IMMP2L: variants seen among roughly 807,000 people sequenced by gnomAD.
The protein encoded by IMMP2L is mitochondrial inner membrane protease subunit 2.
A neutral mutation model predicts 19.3 loss-of-function variants in IMMP2L; 18 were observed. The observed-to-expected ratio is 0.93, with a 90% CI of 0.64 to 1.38. IMMP2L has a LOEUF of 1.38. IMMP2L is among the 40% of genes most tolerant of loss of function. The pLI is 0.00. For synonymous variants in IMMP2L, 76 were observed against 73.0 expected (o/e 1.04, Z -0.21); for missense variants, 233 against 218.2 (o/e 1.07, Z -0.43).
At chr7:111,060,261 C>A (rs971780427) in intron 3 of IMMP2L, among the ~76,000 whole-genome samples, 1 of 152,188 alleles carries the variant, frequency 6.6e-6, no homozygotes, top group African/African-American at 2.4e-5. Context: ...TTTGCAGGTA[C>A]TACCACCACT....
chr7:111,133,433 G>C (rs993497622), intron 3 of IMMP2L, among the ~76,000 whole-genome samples: 1 of 151,900 alleles, frequency 6.6e-6, no homozygotes. Context: ...GGTAGATTAG[G>C]GATGGCATGA....
At chr7:111,237,719 C>T (rs1814502150) in intron 3 of IMMP2L, among the ~76,000 whole-genome samples, 16 of 151,720 alleles carry the variant, frequency 1.1e-4, no homozygotes, top group Admixed American at 1.1e-3. Context: ...ACAATTTCTA[C>T]CATCATTCGG....
intron 3 of IMMP2L, among the ~76,000 whole-genome samples, chr7:110,986,870 A>T (rs958602762): frequency 4.6e-5 from 7 of 151,994 alleles, no homozygotes; most frequent in Admixed American, 1.3e-4. Context: ...CAAACACCCC[A>T]AACATTGGCT....
intron 3 of IMMP2L, among the ~76,000 whole-genome samples, chr7:111,320,195 C>G (rs914457879): frequency 6.6e-5 from 10 of 152,056 alleles, no homozygotes; most frequent in Non-Finnish European, 1.5e-4. Context: ...CCTACCAAGA[C>G]AGAAGCTAAT....
At chr7:110,966,133 A>G (rs2129555923) in intron 3 of IMMP2L, among the ~76,000 whole-genome samples, 1 of 152,250 alleles carries the variant, frequency 6.6e-6, no homozygotes, top group Admixed American at 6.6e-5. Flanking sequence ...ATATGGAAAT[A>G]TCAACAGAAT....
intron 3 of IMMP2L, among the ~76,000 whole-genome samples, chr7:111,140,037 C>T (rs1026517534): frequency 8.6e-5 from 13 of 151,624 alleles, no homozygotes; most frequent in Admixed American, 2.0e-4. Flanking sequence ...ATGAACAGGA[C>T]TGAAAATAAA....
intron 3 of IMMP2L, among the ~76,000 whole-genome samples, chr7:111,224,011 C>T (rs1344528034): frequency 6.6e-6 from 1 of 152,118 alleles, no homozygotes; most frequent in Non-Finnish European, 1.5e-5. Flanking sequence ...GAACACTATA[C>T]ACAAGAGGAA....
chr7:111,190,747 T>C (rs1808772677), intron 3 of IMMP2L, among the ~76,000 whole-genome samples: 1 of 152,150 alleles, frequency 6.6e-6, no homozygotes, highest in Non-Finnish European at 1.5e-5. Flanking sequence ...TGCTTATCTA[T>C]ATAAAACAGG....
chr7:111,065,312 C>T (rs1000492449), intron 3 of IMMP2L, among the ~76,000 whole-genome samples: 14 of 152,072 alleles, frequency 9.2e-5, no homozygotes, highest in African/African-American at 2.9e-4. Flanking sequence ...GGTGCATTTC[C>T]GGTTGTAGAA....
intron 3 of IMMP2L, among the ~76,000 whole-genome samples, chr7:111,052,855 T>C (rs1793124846): frequency 6.6e-6 from 1 of 152,226 alleles, no homozygotes; most frequent in Non-Finnish European, 1.5e-5. Context: ...GGTGCTTCTT[T>C]GCCTCTACTG....
At chr7:111,477,376 T>G (rs1426411589) in intron 3 of IMMP2L, among the ~76,000 whole-genome samples, 1 of 152,158 alleles carries the variant, frequency 6.6e-6, no homozygotes, top group Non-Finnish European at 1.5e-5. Context: ...GTTTTGTACA[T>G]GAAGTCCAAT....
At chr7:111,543,477 GC>G (rs1288328028) in intron 1 of IMMP2L, among the ~76,000 whole-genome samples, 1 of 152,080 alleles carries the variant, frequency 6.6e-6, no homozygotes, top group African/African-American at 2.4e-5. Flanking sequence ...TTCTCTGTAA[GC>G]CAGCAAGACC....
chr7:111,208,784 CT>C (rs1218914026), intron 3 of IMMP2L, among the ~76,000 whole-genome samples: 2 of 151,948 alleles, frequency 1.3e-5, no homozygotes, highest in Admixed American at 6.6e-5. Flanking sequence ...CTATGATTTA[CT>C]TTTTTTTCTT....
intron 5 of IMMP2L, among the ~76,000 whole-genome samples, chr7:110,746,003 A>T (rs9690113): frequency 0.15 from 22,752 of 152,054 alleles, 1,930 homozygotes; most frequent in South Asian, 0.31. Flanking sequence ...TATTCAGGAG[A>T]CCCATCTCAC....
intron 5 of IMMP2L, among the ~76,000 whole-genome samples, chr7:110,873,778 GA>G (rs572557458): frequency 0.07 from 8,249 of 118,648 alleles, 274 homozygotes; most frequent in African/African-American, 0.11. Flanking sequence ...TCTGTCTCAG[GA>G]AAAAAAAAAA....
chr7:111,229,895 GAAGA>G (rs1813535723), intron 3 of IMMP2L, among the ~76,000 whole-genome samples: 1 of 151,964 alleles, frequency 6.6e-6, no homozygotes, highest in Non-Finnish European at 1.5e-5. Flanking sequence ...GTAAAGAACG[GAAGA>G]TTATGTAAGC....
chr7:111,414,113 G>C (rs916216603), intron 3 of IMMP2L, among the ~76,000 whole-genome samples: 1 of 151,572 alleles, frequency 6.6e-6, no homozygotes, highest in Admixed American at 6.6e-5. Context: ...CCCTCCTCAG[G>C]GGCTGGCTCA....
At position 111,123,234 on chromosome 7, in the gene IMMP2L, A is replaced by G. The variant is rs749799526; in HGVS notation, c.240-159669T>C. The G allele has an allele frequency of 6.2e-7, 1 of 1,613,904 alleles. No individual in the cohort carries two copies. Among genetic ancestry groups the G allele is most frequent in the East Asian group, 2.2e-5 (1 of 44,842 alleles). On this transcript the variant is annotated intron_variant, in intron 3 of 5. Coordinates refer to ENST00000405709, the MANE Select transcript of IMMP2L (RefSeq NM_032549.4). The surrounding 1 kb of genome is among the most constrained non-coding windows in gnomAD (Gnocchi z 6.4). ...ATATTAATCACAACTTGCTTTCTAC[A>G]ATTTCACCTGGAGCCTTTATTGGCC...
intron 5 of IMMP2L, among the ~76,000 whole-genome samples, chr7:110,667,687 A>G (rs1044015060): frequency 1.3e-5 from 2 of 152,188 alleles, no homozygotes; most frequent in African/African-American, 4.8e-5. Context: ...ATCCTCTAGA[A>G]CTTTCAGAAG....
Sources: allele counts gnomAD v4.1 joint callset (sites outside exome capture counted in the v4.1 genomes callset), GRCh38; gene constraint gnomAD v4.1.1; non-coding constraint Gnocchi (gnomAD v3.1); transcripts MANE v1.5; gene names NCBI Gene and HGNC (gene_info 2026-07-23, HGNC 2026-07-21).